Variants in THSD7B observed in about 807,000 individuals in gnomAD.
THSD7B encodes the protein thrombospondin type-1 domain-containing protein 7B.
In THSD7B, 138 loss-of-function variants were observed where a neutral mutation model predicts 213.6. That is an observed-to-expected ratio of 0.65 (90% CI 0.56 to 0.74). The LOEUF (loss-of-function observed/expected upper bound fraction) is 0.74. Among genes scored for constraint, THSD7B ranks in the 30% least tolerant of loss-of-function variants. The probability of loss-of-function intolerance (pLI) is 0.00; values close to 1 mark genes in which losing one functional copy is unlikely to be tolerated. For synonymous variants in THSD7B, 742 were observed against 687.0 expected (o/e 1.08, Z -1.25); for missense variants, 1,931 against 1,991.5 (o/e 0.97, Z 0.58).
At chr2:137,312,443 C>G (rs1264267762) in intron 12 of THSD7B, among the ~76,000 whole-genome samples, 1 of 146,600 alleles carries the variant, frequency 6.8e-6, no homozygotes, top group Non-Finnish European at 1.5e-5. Flanking sequence ...TTTGTTGATC[C>G]TTTCAAAAAA....
At chr2:136,804,317 G>T (rs571426080) in intron 1 of THSD7B, among the ~76,000 whole-genome samples, 1 of 151,808 alleles carries the variant, frequency 6.6e-6, no homozygotes, top group East Asian at 1.9e-4. Context: ...CTATATAGAG[G>T]TTGAAACTTA....
chr2:137,057,935 G>A (rs1687201227), intron 3 of THSD7B, among the ~76,000 whole-genome samples: 1 of 152,150 alleles, frequency 6.6e-6, no homozygotes. Flanking sequence ...GAAATATATT[G>A]AAAGTAGTAT....
chr2:137,132,233 T>A (rs1013484089), intron 5 of THSD7B, among the ~76,000 whole-genome samples: 33 of 151,342 alleles, frequency 2.2e-4, no homozygotes, highest in African/African-American at 6.8e-4. Context: ...TTGATTTTGT[T>A]TCCTGAGACT....
At chr2:136,770,087 T>G (rs1373592214) in intron 1 of THSD7B, among the ~76,000 whole-genome samples, 1 of 152,234 alleles carries the variant, frequency 6.6e-6, no homozygotes, top group Non-Finnish European at 1.5e-5. Context: ...CCTAGTGTTA[T>G]GTTAGCGAAC....
At chr2:137,125,129 A>T (rs1373720346) in intron 5 of THSD7B, among the ~76,000 whole-genome samples, 1 of 152,132 alleles carries the variant, frequency 6.6e-6, no homozygotes, top group African/African-American at 2.4e-5. Context: ...ACCCTTCATC[A>T]TCTTCCCCAC....
chr2:137,014,937 CCT>C (rs1256740842), intron 2 of THSD7B, among the ~76,000 whole-genome samples: 2 of 152,122 alleles, frequency 1.3e-5, no homozygotes, highest in Admixed American at 1.3e-4. Flanking sequence ...TCCCTACCTG[CCT>C]CTGTCTCAGT....
At chr2:137,323,309 A>C (rs1322392545) in intron 12 of THSD7B, among the ~76,000 whole-genome samples, 3 of 152,194 alleles carry the variant, frequency 2.0e-5, no homozygotes. Flanking sequence ...ATGAGCAAGG[A>C]GACTGGTAGC....
chr2:136,900,149 G>T (rs1375325048), intron 2 of THSD7B, among the ~76,000 whole-genome samples: 1 of 152,202 alleles, frequency 6.6e-6, no homozygotes. Flanking sequence ...GATCTGACAT[G>T]TTTGCAGCTG....
rs151157441 is a variant in THSD7B at position 137,661,801 on chromosome 2, C to T, written c.4459-1582C>T. 5.3e-4 allele frequency among the ~76,000 whole-genome samples: 81 copies of T among 152,182 alleles called. 2 individuals are homozygous for T. The highest frequency in any genetic ancestry group is 1.3e-3 in the African/African-American group (54 of 41,538). On this transcript the variant is annotated intron_variant, in intron 25 of 27. Transcript: ENST00000409968. ...CTCCCCCGATTCTTCCCTTAGGGTG[C>T]GCCATCCACATGCATAGTGGCCATC... is the stretch of plus-strand genomic sequence containing the variant.
At position 137,211,580 on chromosome 2, in the gene THSD7B, CTTAG is replaced by C. The variant is rs555537872; in HGVS notation, c.1724-19459_1724-19456del. Among the ~76,000 whole-genome samples, 143 of 152,026 alleles carry C rather than the reference CTTAG, an allele frequency of 9.4e-4. 2 individuals are homozygous for C. The South Asian group carries it at 0.011, about 12-fold the overall frequency. ...TTTTAATATAGAATTTATAAATGAT[CTTAG>C]TTAGGATGACATGTGGTTAATGGCT... On this transcript the variant is annotated intron_variant, in intron 7 of 27. Transcript: ENST00000409968.
chr2:137,549,698 G>A (rs186699636), intron 15 of THSD7B, among the ~76,000 whole-genome samples: 15 of 151,878 alleles, frequency 9.9e-5, no homozygotes, highest in East Asian at 7.8e-4. Context: ...TCCCTGACCC[G>A]CCAGCCCCTG....
At chr2:137,438,897 T>C (rs1324365770) in intron 14 of THSD7B, among the ~76,000 whole-genome samples, 1 of 152,044 alleles carries the variant, frequency 6.6e-6, no homozygotes, top group Non-Finnish European at 1.5e-5. Context: ...ATCCTCGGTT[T>C]GGGGTAGGCT....
At chr2:137,254,183 G>C (rs1041902415) in intron 10 of THSD7B, among the ~76,000 whole-genome samples, 3 of 152,154 alleles carry the variant, frequency 2.0e-5, no homozygotes, top group Non-Finnish European at 4.4e-5. Flanking sequence ...AGATGGTTCA[G>C]ATAGAATATT....
intron 12 of THSD7B, among the ~76,000 whole-genome samples, chr2:137,324,618 G>C (rs1241710466): frequency 6.6e-5 from 10 of 152,158 alleles, no homozygotes; most frequent in Non-Finnish European, 1.5e-4. Context: ...AGTGCTTGCT[G>C]CTTTCTCATA....
At chr2:137,658,262 C>CT (rs1458165183) in intron 24 of THSD7B, among the ~76,000 whole-genome samples, 1 of 152,136 alleles carries the variant, frequency 6.6e-6, no homozygotes, top group African/African-American at 2.4e-5. Context: ...TAAATATACT[C>CT]TAAGTCTCCC....
intron 1 of THSD7B, among the ~76,000 whole-genome samples, chr2:136,880,400 A>T (rs1296456546): frequency 6.6e-6 from 1 of 152,148 alleles, no homozygotes; most frequent in Admixed American, 6.6e-5. Context: ...TTTACTCTCC[A>T]GTACCTATAT....
chr2:137,261,915 C>CAAAAAAA lies in THSD7B; in HGVS notation c.2267-10605_2267-10599dup, dbSNP rs369579882. Among the ~76,000 whole-genome samples the CAAAAAAA allele has an allele frequency of 3.3e-4, 18 of 54,872 alleles. 1 individual carries two copies. Among genetic ancestry groups the CAAAAAAA allele is most frequent in the African/African-American group, 7.7e-4 (12 of 15,512 alleles). The allele number at this position is 54,872 out of a possible 152,430, so 36.0% of individuals were successfully genotyped here. ...GGAAAGGACATTGAGGAAAGTTTGT[C>CAAAAAAA]AAAAAAAAAAAAAAAAAAAGCCCAG... is the stretch of plus-strand genomic sequence containing the variant. On this transcript the variant is annotated intron_variant, in intron 10 of 27. Coordinates refer to ENST00000409968, the MANE Select transcript of THSD7B (RefSeq NM_001316349.2).
rs568168018 is a variant in THSD7B, at chr2:137,220,509, A to G, written c.1724-10535A>G. 2.8e-4 allele frequency among the ~76,000 whole-genome samples: 42 copies of G among 152,358 alleles called. No homozygotes were observed. The South Asian group carries it at 7.5e-3, about 27-fold the overall frequency. ...CACCTATAAGAATGACAACAATTCA[A>G]TAAAGAACAGAAAGAAACTGGTTAT... On this transcript the variant is annotated intron_variant, in intron 7 of 27. Coordinates refer to ENST00000409968, the MANE Select transcript of THSD7B (RefSeq NM_001316349.2).
intron 6 of THSD7B, among the ~76,000 whole-genome samples, chr2:137,169,023 AT>A (rs200154807): frequency 3.3e-3 from 485 of 146,850 alleles, no homozygotes; most frequent in African/African-American, 0.011. Context: ...AACCATTATT[AT>A]TTTTTTTTTA....
Sources: gnomAD v4.1 joint callset for allele counts (sites outside exome capture counted in the v4.1 genomes callset) on GRCh38, gnomAD v4.1.1 for gene constraint, MANE v1.5 for transcripts, NCBI Gene and HGNC (gene_info 2026-07-23, HGNC 2026-07-21) for gene names.